The following OPHN1 variants were observed in gnomAD, a reference collection of about 807,000 sequenced individuals.
OPHN1 encodes oligophrenin 1, also known as oligophrenin-1.
In OPHN1, 11 loss-of-function variants were observed where a neutral mutation model predicts 60.7. The observed-to-expected ratio is 0.18, with a 90% CI of 0.11 to 0.30. The LOEUF is 0.30. Among genes scored for constraint, OPHN1 ranks in the 10% least tolerant of loss-of-function variants. OPHN1 has a pLI of 1.00. For synonymous variants in OPHN1, 226 were observed against 222.6 expected, an observed-to-expected ratio of 1.02 and a Z score of -0.14; for missense variants, 449 against 611.0, an observed-to-expected ratio of 0.73 and a Z score of 2.80.
intron 15 of OPHN1, among the ~76,000 whole-genome samples, chrX:68,136,335 G>A (rs1348016875): frequency 1.2e-4 from 10 of 84,142 alleles, no homozygotes; most frequent in African/African-American, 3.7e-4. Context: ...ATGGAGTCTC[G>A]CACTGTCACC....
At chrX:68,336,706 GC>G (rs1182898753) in intron 2 of OPHN1, among the ~76,000 whole-genome samples, 13 of 109,173 alleles carry the variant, frequency 1.2e-4, no homozygotes, top group African/African-American at 4.0e-4. Flanking sequence ...GTATTTCGGG[GC>G]CCATGGCTAA....
chrX:68,210,311 A>G lies in OPHN1; in HGVS notation c.703-29T>C, dbSNP rs769024070. 1.4e-5 allele frequency: 17 copies of G among 1,186,467 alleles called. No homozygotes were observed. The South Asian group carries it at 3.0e-4, about 21-fold the overall frequency. On this transcript the variant is annotated intron_variant, in intron 8 of 24. Coordinates refer to ENST00000355520, the MANE Select transcript of OPHN1 (RefSeq NM_002547.3). ...TCAAGACATCATCATGAAAATCATT[A>G]TTATCATCATCATTATCATGAAAAA...
chrX:68,093,758 T>C (rs1445787808), intron 19 of OPHN1, among the ~76,000 whole-genome samples: 2 of 111,467 alleles, frequency 1.8e-5, no homozygotes, highest in Non-Finnish European at 3.8e-5. Context: ...TCTAATTAGA[T>C]TGAATTTTTG....
chrX:68,381,351 T>C (rs745450419), intron 2 of OPHN1, among the ~76,000 whole-genome samples: 1 of 111,884 alleles, frequency 8.9e-6, no homozygotes, highest in South Asian at 3.8e-4. Context: ...TCCTTGAGGA[T>C]AGGGATTTTT....
In OPHN1 at chrX:68,052,998, C is replaced by A. The variant is rs772002271; in HGVS notation, c.2325-408G>T. Among the ~76,000 whole-genome samples the A allele has an allele frequency of 3.9e-4, 44 of 112,103 alleles. 1 individual carries two copies. The highest frequency in any genetic ancestry group is 1.3e-3 in the African/African-American group (41 of 30,925). On this transcript the variant is annotated intron_variant, in intron 22 of 24. Coordinates refer to ENST00000355520, the MANE Select transcript of OPHN1 (RefSeq NM_002547.3). ...ACAAGAAAGACAAGAAAAAGGAAGA[C>A]CAGGAGGCAGTATACTGAGAATGGT...
chrX:68,387,180 CTT>C (rs2078628559), intron 2 of OPHN1, among the ~76,000 whole-genome samples: 1 of 82,363 alleles, frequency 1.2e-5, no homozygotes, highest in Admixed American at 1.5e-4. Context: ...CTTCTCTTCT[CTT>C]TTTCTCTTTC....
intron 2 of OPHN1, among the ~76,000 whole-genome samples, chrX:68,416,051 TATATATATATATATATAGAG>T (rs1460912399): frequency 1.6e-3 from 38 of 24,400 alleles, no homozygotes; most frequent in Middle Eastern, 0.031. Flanking sequence ...TATATATATA[TATATATATATATATATAGAG>T]AGAGAGAGAG....
intron 2 of OPHN1, among the ~76,000 whole-genome samples, chrX:68,363,630 G>T (rs2078484772): frequency 9.0e-6 from 1 of 111,583 alleles, no homozygotes; most frequent in East Asian, 2.8e-4. Context: ...TTTTAAAAAA[G>T]ACAGTTTGAA....
intron 3 of OPHN1, among the ~76,000 whole-genome samples, chrX:68,285,044 T>C (rs914995673): frequency 2.7e-5 from 3 of 112,050 alleles, no homozygotes; most frequent in Non-Finnish European, 5.6e-5. Context: ...CTAGGATTAG[T>C]AGTAATGTCC....
At chrX:68,382,757 T>A (rs2078603930) in intron 2 of OPHN1, among the ~76,000 whole-genome samples, 1 of 111,459 alleles carries the variant, frequency 9.0e-6, no homozygotes, top group South Asian at 3.8e-4. Flanking sequence ...TATAAATAGG[T>A]GAATTTTATG....
chrX:68,381,486 A>G, intron 2 of OPHN1, among the ~76,000 whole-genome samples: 1 of 111,770 alleles, frequency 8.9e-6, no homozygotes, highest in South Asian at 3.8e-4. Context: ...AAGGCCCTCC[A>G]CAGTCTGATT....
chrX:68,112,346 G>A (rs1008865432), intron 17 of OPHN1: 15 of 134,218 alleles, frequency 1.1e-4, no homozygotes, highest in Non-Finnish European at 2.2e-4. Flanking sequence ...CTCAGAGGGA[G>A]TCAGAACTCT....
chrX:68,182,679 G>A (rs1325622446), intron 15 of OPHN1, among the ~76,000 whole-genome samples: 1 of 111,892 alleles, frequency 8.9e-6, no homozygotes, highest in Non-Finnish European at 1.9e-5. Flanking sequence ...GGGAGGCCAA[G>A]ATGGGCGGAT....
intron 2 of OPHN1, among the ~76,000 whole-genome samples, chrX:68,366,582 G>A (rs767691251): frequency 1.7e-4 from 19 of 111,031 alleles, no homozygotes; most frequent in Admixed American, 1.4e-3. Context: ...TCAAACTCCC[G>A]GCCTCAAGCA....
At chrX:68,404,400 T>C (rs774947065) in intron 2 of OPHN1, among the ~76,000 whole-genome samples, 40 of 111,235 alleles carry the variant, frequency 3.6e-4, no homozygotes, top group African/African-American at 1.3e-3. Flanking sequence ...CCTCATGATC[T>C]GCCTGCCTTG....
chrX:68,252,532 C>T (rs2077841254), intron 5 of OPHN1, among the ~76,000 whole-genome samples: 1 of 111,582 alleles, frequency 9.0e-6, no homozygotes, highest in African/African-American at 3.3e-5. Context: ...CCTCAGTTTC[C>T]TCACAAAATA....
At chrX:68,319,195 G>T (rs2078223521) in intron 2 of OPHN1, among the ~76,000 whole-genome samples, 1 of 111,803 alleles carries the variant, frequency 8.9e-6, no homozygotes, top group African/African-American at 3.2e-5. Flanking sequence ...TTTTATCAAA[G>T]GTACAAAAGC....
intron 5 of OPHN1, among the ~76,000 whole-genome samples, chrX:68,250,299 T>C (rs942719856): frequency 1.1e-4 from 12 of 112,354 alleles, no homozygotes; most frequent in Non-Finnish European, 2.1e-4. Context: ...TAGAAGTATT[T>C]CACGGAAATA....
intron 3 of OPHN1, among the ~76,000 whole-genome samples, chrX:68,285,507 A>T (rs1221846012): frequency 9.0e-6 from 1 of 111,361 alleles, no homozygotes; most frequent in East Asian, 2.8e-4. Context: ...TCATATGGTT[A>T]GGCATGTATC....
Sources: allele counts gnomAD v4.1 joint callset (sites outside exome capture counted in the v4.1 genomes callset), GRCh38; gene constraint gnomAD v4.1.1; transcripts MANE v1.5; gene names NCBI Gene and HGNC (gene_info 2026-07-23, HGNC 2026-07-21).